GALNT9: variants seen among roughly 807,000 people sequenced by gnomAD.
GALNT9 encodes GalNAc transferase 9.
Under a neutral mutation model 63.1 loss-of-function variants are expected in GALNT9, and 47 were observed. The ratio of observed to expected loss-of-function variants is 0.75; its 90% CI spans 0.59 to 0.95. GALNT9 has a LOEUF of 0.95. Among genes scored for constraint, GALNT9 ranks in the 40% least tolerant of loss-of-function variants. GALNT9 has a pLI of 0.00. For synonymous variants in GALNT9, 396 were observed against 365.7 expected (o/e 1.08, Z -0.94); for missense variants, 829 against 874.8 (o/e 0.95, Z 0.66).
chr12:132,327,390 C>G lies in GALNT9; in HGVS notation c.238+1576G>C, dbSNP rs1170810003. Among the ~76,000 whole-genome samples the G allele has an allele frequency of 6.6e-6, 1 of 151,992 alleles. No homozygotes were observed. The highest frequency in any genetic ancestry group is 1.9e-4 in the East Asian group (1 of 5,170). The stretch of plus-strand genomic sequence containing the variant: ...CTGGCTTTTTCCACCACCAAGAATC[C>G]CAGCCGATTCTCACCTTGAAGGGTG... On this transcript the variant is annotated intron_variant, in intron 1 of 10. Coordinates refer to ENST00000328957, the MANE Select transcript of GALNT9 (RefSeq NM_001122636.2). This position sits in a 1 kb window ranked among gnomAD's most constrained non-coding sequence, Gnocchi z 4.3.
chr12:132,203,727 C>A (rs1214707601), intron 6 of GALNT9, 37 bp from the exon 7 acceptor site: 1 of 1,597,672 alleles, frequency 6.3e-7, no homozygotes, highest in South Asian at 1.1e-5. Flanking sequence ...GCGTCCTTCC[C>A]AACGGAAGCG....
At chr12:132,306,523 G>A (rs914159935) in intron 1 of GALNT9, among the ~76,000 whole-genome samples, 2 of 152,340 alleles carry the variant, frequency 1.3e-5, no homozygotes, top group Admixed American at 6.5e-5. Flanking sequence ...TTCTTAAGGC[G>A]AAGTCAGTTC....
chr12:132,206,603 C>CA (rs914034050), intron 6 of GALNT9, among the ~76,000 whole-genome samples: 51 of 150,836 alleles, frequency 3.4e-4, no homozygotes, highest in Non-Finnish European at 6.2e-4. Flanking sequence ...GCTGAGATCA[C>CA]ACCACTGCAC....
intron 1 of GALNT9, among the ~76,000 whole-genome samples, chr12:132,308,852 G>A (rs1236643922): frequency 1.3e-5 from 2 of 151,110 alleles, no homozygotes; most frequent in Admixed American, 1.3e-4. Context: ...CGGGATGGCC[G>A]CACTCACGCC....
chr12:132,302,630 C>T (rs2135575541), intron 1 of GALNT9, among the ~76,000 whole-genome samples: 1 of 152,356 alleles, frequency 6.6e-6, no homozygotes, highest in Middle Eastern at 3.4e-3. Flanking sequence ...GAGCTCATGC[C>T]CCATCATGCC....
intron 1 of GALNT9, among the ~76,000 whole-genome samples, chr12:132,297,716 C>G (rs1414586241): frequency 6.6e-6 from 1 of 151,072 alleles, no homozygotes; most frequent in East Asian, 2.0e-4. Flanking sequence ...GATAAGCAAG[C>G]CACTCCCAAG....
At chr12:132,264,240 G>C (rs1363962392) in intron 2 of GALNT9, among the ~76,000 whole-genome samples, 1 of 152,264 alleles carries the variant, frequency 6.6e-6, no homozygotes, top group Non-Finnish European at 1.5e-5. Context: ...AGGTTTGAGA[G>C]ATGGACGCAG....
In GALNT9 at chr12:132,211,858, C is replaced by T. The variant is rs11247001; in HGVS notation, c.1078-8168G>A. ...TCCCCAACAGCAGGCCACGTGCTCA[C>T]ACACTGCACCCCTGCCCTGCAATCC... On this transcript the variant is annotated intron_variant, in intron 6 of 10. Coordinates refer to ENST00000328957, the MANE Select transcript of GALNT9 (RefSeq NM_001122636.2). Among the ~76,000 whole-genome samples, 660 of 152,370 alleles carry T rather than the reference C, an allele frequency of 4.3e-3. 15 individuals are homozygous for T. In the East Asian group the frequency reaches 0.065, roughly 15 times the overall value.
chr12:132,249,857 G>T (rs1414346283), intron 5 of GALNT9, among the ~76,000 whole-genome samples: 4 of 152,180 alleles, frequency 2.6e-5, no homozygotes, highest in Non-Finnish European at 4.4e-5. Context: ...GCCTGTCACC[G>T]TGGTGACAGC....
In GALNT9 at chr12:132,197,944, C is replaced by A; in HGVS notation, c.1513G>T (p.Ala505Ser). The A allele has an allele frequency of 6.2e-7, 1 of 1,609,738 alleles. No individual in the cohort carries two copies. The highest frequency in any genetic ancestry group is 1.3e-5 in the African/African-American group (1 of 75,040). ...GMSSQLVRYS[A>S]DGLLQLGPLG... ...GGCCCCAGCTGCAGCAGTCCATCAG[C>A]GCTGTACCGCACCAGCTGGGGACAG... The change falls in exon 10 of 11, where the codon GCT (alanine) becomes TCT (serine). Residue 505 changes from alanine (A) to serine (S), a missense_variant. Transcript: ENST00000328957.
At chr12:132,210,053 A>C (rs2135513026) in intron 6 of GALNT9, among the ~76,000 whole-genome samples, 1 of 152,288 alleles carries the variant, frequency 6.6e-6, no homozygotes. Flanking sequence ...CACACGAGGA[A>C]GACACGGGTG....
intron 6 of GALNT9, among the ~76,000 whole-genome samples, chr12:132,212,180 G>C (rs1876983092): frequency 6.7e-6 from 1 of 148,566 alleles, no homozygotes; most frequent in South Asian, 2.1e-4. Flanking sequence ...CCCCACCCGG[G>C]TCTGCAGCCT....
chr12:132,243,422 C>CCTCCGGAGCTCT (rs1565997431), intron 6 of GALNT9, among the ~76,000 whole-genome samples: 28 of 151,132 alleles, frequency 1.9e-4, no homozygotes, highest in South Asian at 4.2e-4. Flanking sequence ...CAGTCCTCCT[C>CCTCCGGAGCTCT]GTCTTCCGGA....
chr12:132,261,202 C>T lies in GALNT9; in HGVS notation c.587-80G>A, dbSNP rs797036768. 7.1e-5 allele frequency: 109 copies of T among 1,530,158 alleles called. No individual in the cohort carries two copies. The African/African-American group carries it at 8.5e-4, about 12-fold the overall frequency. 94.8% of individuals were successfully genotyped at this position (1,530,158 alleles called of 1,614,324 possible). On this transcript the variant is annotated intron_variant, in intron 3 of 10. Coordinates refer to ENST00000328957, the MANE Select transcript of GALNT9 (RefSeq NM_001122636.2). Reference sequence around the variant, plus strand: ...CCAAGACCCAAGGCTGGAAATGCTGCGTGCCGCGTGTGGGATGGGTGTATT... The same window carrying T: ...CCAAGACCCAAGGCTGGAAATGCTGTGTGCCGCGTGTGGGATGGGTGTATT...
chr12:132,236,548 C>T lies in GALNT9; in HGVS notation c.1077+11362G>A, dbSNP rs1370114182. Among the ~76,000 whole-genome samples the T allele has an allele frequency of 2.6e-5, 4 of 152,188 alleles. No individual in the cohort carries two copies. Among genetic ancestry groups the T allele is most frequent in the Non-Finnish European group, 4.4e-5 (3 of 68,034 alleles). On this transcript the variant is annotated intron_variant, in intron 6 of 10. Coordinates refer to ENST00000328957, the MANE Select transcript of GALNT9 (RefSeq NM_001122636.2). The surrounding 1 kb of genome is among the most constrained non-coding windows in gnomAD (Gnocchi z 5.6). ...CCAGCCCTTTCCCCTTCCTTCCTTC[C>T]CACCTTCTTTCCTTTCTTCTATCTT... is the stretch of plus-strand genomic sequence containing the variant.
At chr12:132,220,508 T>A (rs979982655) in intron 6 of GALNT9, among the ~76,000 whole-genome samples, 2 of 152,218 alleles carry the variant, frequency 1.3e-5, no homozygotes, top group Non-Finnish European at 2.9e-5. Context: ...GAAAGTCTCC[T>A]AAATGTAAGA....
chr12:132,255,837 G>A (rs1260396300), intron 5 of GALNT9, among the ~76,000 whole-genome samples: 1 of 152,156 alleles, frequency 6.6e-6, no homozygotes, highest in African/African-American at 2.4e-5. Context: ...ACACCGCGTG[G>A]ACCCACATGC....
intron 1 of GALNT9, among the ~76,000 whole-genome samples, chr12:132,302,501 C>A (rs1555243927): frequency 6.6e-6 from 1 of 152,202 alleles, no homozygotes; most frequent in Non-Finnish European, 1.5e-5. Flanking sequence ...GTAGCCGTGC[C>A]ATTTATTCAC....
chr12:132,197,811 C>CGCTGT lies in GALNT9; in HGVS notation c.1641_1645dup (p.Arg549HisfsTer14). 1.9e-6 allele frequency: 3 copies of CGCTGT among 1,588,494 alleles called. No homozygotes were observed. Among genetic ancestry groups the CGCTGT allele is most frequent in the Non-Finnish European group, 2.6e-6 (3 of 1,168,086 alleles). ...GCTGACCTGGGTGAAGTCCCACAGC[C>CGCTGT]GCTGTGTTGGCCGCGCCACATCCTC... On this transcript the variant is annotated frameshift_variant, in exon 10 of 11. Coordinates refer to ENST00000328957, the MANE Select transcript of GALNT9 (RefSeq NM_001122636.2). LOFTEE classifies it high-confidence loss of function.
Sources: gnomAD v4.1 joint callset for allele counts (sites outside exome capture counted in the v4.1 genomes callset) on GRCh38, gnomAD v4.1.1 for gene constraint, Gnocchi (gnomAD v3.1) non-coding constraint, MANE v1.5 for transcripts, NCBI Gene and HGNC (gene_info 2026-07-23, HGNC 2026-07-21) for gene names.